The following VPS37A variants were observed in gnomAD, a reference collection of about 807,000 sequenced individuals.
VPS37A encodes the protein VPS37A subunit of ESCRT-I, also known as vacuolar protein sorting-associated protein 37A.
In VPS37A, 30 loss-of-function variants were observed where a neutral mutation model predicts 49.8. The observed-to-expected ratio is 0.60, with a 90% CI of 0.45 to 0.82. The LOEUF is 0.82. Ranked by LOEUF, VPS37A falls within the 40% of genes least tolerant of loss-of-function variation. The pLI is 0.00. For missense variants in VPS37A, 593 were observed against 464.4 expected (o/e 1.28, Z -2.55); for synonymous variants, 195 against 160.6 (o/e 1.21, Z -1.62).
At chr8:17,321,089 C>T in the VPS37A span, among the ~76,000 whole-genome samples, 1 of 152,152 alleles carries the variant, frequency 6.6e-6, no homozygotes, top group African/African-American at 2.4e-5. Context: ...TTCAGGGGGC[C>T]TGAGGAATAC....
chr8:17,311,461 A>G, the VPS37A span: 1 of 1,612,236 alleles, frequency 6.2e-7, no homozygotes. Flanking sequence ...ACAGGGGTCC[A>G]TTCCTGGTCA....
At chr8:17,273,074 G>A (rs1379416879) in intron 4 of VPS37A, among the ~76,000 whole-genome samples, 3 of 120,488 alleles carry the variant, frequency 2.5e-5, no homozygotes, top group African/African-American at 9.7e-5. Flanking sequence ...TAAATGATAT[G>A]GTTTTGGAAA....
downstream of VPS37A, chr8:17,299,632 G>T: frequency 1.8e-6 from 1 of 553,500 alleles, no homozygotes; most frequent in Non-Finnish European, 3.2e-6. Context: ...AGTCTAGGGT[G>T]AGCTTCAAAA....
intron 1 of VPS37A, chr8:17,248,108 C>T (rs1316558320): frequency 1.4e-5 from 5 of 362,552 alleles, no homozygotes; most frequent in Admixed American, 4.3e-5. Flanking sequence ...AATTGGTTTG[C>T]TGCAGCCTTT....
chr8:17,302,011 C>G (rs1817149516), downstream of VPS37A: 1 of 1,076,718 alleles, frequency 9.3e-7, no homozygotes, highest in Non-Finnish European at 1.3e-6. Context: ...GAGTCCTGAC[C>G]TGGATGGGGT....
intron 2 of VPS37A, among the ~76,000 whole-genome samples, chr8:17,266,436 C>T (rs1813462037): frequency 6.6e-6 from 1 of 151,952 alleles, no homozygotes; most frequent in African/African-American, 2.4e-5. Flanking sequence ...TTAAGAAAAA[C>T]AAAAAAGTTA....
At chr8:17,304,982 C>G (rs1817359496), downstream of VPS37A, among the ~76,000 whole-genome samples, 2 of 152,104 alleles carry the variant, frequency 1.3e-5, no homozygotes, top group South Asian at 4.1e-4. Flanking sequence ...AAGCCATATT[C>G]AGACCCAAGC....
At chr8:17,308,379 C>T in the VPS37A span, among the ~76,000 whole-genome samples, 1 of 152,020 alleles carries the variant, frequency 6.6e-6, no homozygotes, top group Non-Finnish European at 1.5e-5. Flanking sequence ...TTAATTTTCT[C>T]ATTGGTAAAT....
intron 9 of VPS37A, among the ~76,000 whole-genome samples, chr8:17,283,578 G>C (rs552348757): frequency 6.6e-6 from 1 of 152,184 alleles, no homozygotes; most frequent in African/African-American, 2.4e-5. Context: ...CGATAATCCA[G>C]TTTTTTCCAG....
the VPS37A span, among the ~76,000 whole-genome samples, chr8:17,328,166 G>C: frequency 6.6e-6 from 1 of 152,176 alleles, no homozygotes; most frequent in Non-Finnish European, 1.5e-5. Flanking sequence ...TTGATTGGCA[G>C]AGGAGGAAGA....
chr8:17,264,347 A>C (rs1453738933), intron 1 of VPS37A, among the ~76,000 whole-genome samples: 1 of 152,192 alleles, frequency 6.6e-6, no homozygotes, highest in Non-Finnish European at 1.5e-5. Context: ...GGAATAAAAA[A>C]TTTAGGCCAT....
chr8:17,262,601 ATTTATG>A (rs1203352286), intron 1 of VPS37A, among the ~76,000 whole-genome samples: 2 of 144,320 alleles, frequency 1.4e-5, no homozygotes, highest in Non-Finnish European at 3.0e-5. Context: ...GTGTGTGTGT[ATTTATG>A]TTGAAAATAG....
chr8:17,313,426 AG>A, the VPS37A span: 1 of 1,453,064 alleles, frequency 6.9e-7, no homozygotes, highest in Non-Finnish European at 9.6e-7. Flanking sequence ...ATGTTATAAA[AG>A]CAAAATTAAG....
downstream of VPS37A, among the ~76,000 whole-genome samples, chr8:17,303,598 C>T (rs1182618746): frequency 7.3e-6 from 1 of 137,076 alleles, no homozygotes; most frequent in Non-Finnish European, 1.5e-5. Flanking sequence ...CCATTCTCCC[C>T]ATACATACAA....
chr8:17,260,355 C>G (rs1438454034), intron 1 of VPS37A, among the ~76,000 whole-genome samples: 1 of 152,130 alleles, frequency 6.6e-6, no homozygotes, highest in Non-Finnish European at 1.5e-5. Context: ...AATTCCTTCT[C>G]CCCAACATTT....
downstream of VPS37A, among the ~76,000 whole-genome samples, chr8:17,304,676 A>G (rs915083228): frequency 8.6e-5 from 13 of 151,780 alleles, no homozygotes; most frequent in African/African-American, 2.9e-4. Flanking sequence ...ACTTCATGGT[A>G]TAGAGGGAGA....
At chr8:17,282,864 A>G (rs1302688809) in intron 9 of VPS37A, among the ~76,000 whole-genome samples, 1 of 152,218 alleles carries the variant, frequency 6.6e-6, no homozygotes, top group Non-Finnish European at 1.5e-5. Context: ...CCACTTCATT[A>G]GACCATTGGT....
intron 4 of VPS37A, among the ~76,000 whole-genome samples, chr8:17,274,140 A>G (rs1004260861): frequency 6.6e-6 from 1 of 152,252 alleles, no homozygotes; most frequent in Non-Finnish European, 1.5e-5. Context: ...GCAAAAATAA[A>G]TACTGACTAT....
At chr8:17,318,211 T>C in the VPS37A span, among the ~76,000 whole-genome samples, 1 of 152,112 alleles carries the variant, frequency 6.6e-6, no homozygotes, top group Admixed American at 6.5e-5. Context: ...CACACCTTCC[T>C]TATGCACGGA....
Sources: gnomAD v4.1 joint callset for allele counts (sites outside exome capture counted in the v4.1 genomes callset) on GRCh38, gnomAD v4.1.1 for gene constraint, MANE v1.5 for transcripts, NCBI Gene and HGNC (gene_info 2026-07-23, HGNC 2026-07-21) for gene names.